Variants in GLOD4 observed in about 807,000 individuals in gnomAD.
GLOD4 encodes glyoxalase domain containing 4.
In GLOD4, 44 loss-of-function variants were observed where a neutral mutation model predicts 39.1. The ratio of observed to expected loss-of-function variants is 1.13; its 90% CI spans 0.88 to 1.45. The LOEUF (loss-of-function observed/expected upper bound fraction) is 1.45, where lower values mean the gene tolerates loss of function less well. GLOD4 is among the 40% of genes most tolerant of loss of function. GLOD4 has a pLI of 0.00. For missense variants in GLOD4, 405 were observed against 366.4 expected, an observed-to-expected ratio of 1.11 and a Z score of -0.86; for synonymous variants, 145 against 135.0, an observed-to-expected ratio of 1.07 and a Z score of -0.52.
rs1351091055 is a variant in GLOD4, at chr17:778,645, C to A, written c.140+50G>T. The A allele has an allele frequency of 2.9e-6, 3 of 1,021,414 alleles. No homozygotes were observed. The Admixed American group carries it at 5.1e-5, about 17-fold the overall frequency. The allele number at this position is 1,021,414 out of a possible 1,614,324, so 63.3% of individuals were successfully genotyped here. On this transcript the variant is annotated intron_variant, in intron 2 of 8. Coordinates refer to ENST00000301329, the MANE Select transcript of GLOD4 (RefSeq NM_016080.4). The stretch of plus-strand genomic sequence containing the variant: ...ACTTTGAGAAACTGTCTTCTGTTAT[C>A]CGGGTGTAGTCAGAGCCTAAAGGAG...
chr17:761,362 T>C lies in GLOD4; in HGVS notation c.832-1124A>G, dbSNP rs566638889. The stretch of plus-strand genomic sequence containing the variant: ...CTAAAAAATCTTAGTACTATCTGAT[T>C]TATTATCTTGATGAAAATAAGAATT... On this transcript the variant is annotated intron_variant, in intron 8 of 8. Coordinates refer to ENST00000301329, the MANE Select transcript of GLOD4 (RefSeq NM_016080.4). Among the ~76,000 whole-genome samples the C allele has an allele frequency of 9.2e-5, 14 of 152,042 alleles. No individual in the cohort carries two copies. In the East Asian group the frequency reaches 2.4e-3, roughly 26 times the overall value.
chr17:767,055 G>A (rs1453428395), intron 8 of GLOD4, among the ~76,000 whole-genome samples: 1 of 152,128 alleles, frequency 6.6e-6, no homozygotes, highest in Non-Finnish European at 1.5e-5. Flanking sequence ...AACGTTAATT[G>A]TGCATCTACT....
chr17:784,842 T>A (rs1379194402), upstream of GLOD4, among the ~76,000 whole-genome samples: 1 of 152,192 alleles, frequency 6.6e-6, no homozygotes, highest in Non-Finnish European at 1.5e-5. Flanking sequence ...TGAATGGCTT[T>A]TGGCCATCTG....
chr17:759,650 G>C lies in GLOD4; in HGVS notation c.*523C>G, dbSNP rs984220698. 5.2e-5 allele frequency: 8 copies of C among 152,570 alleles called. No individual in the cohort carries two copies. Among genetic ancestry groups the C allele is most frequent in the East Asian group, 1.9e-4 (1 of 5,198 alleles). 9.5% of individuals were successfully genotyped at this position (152,570 alleles called of 1,614,324 possible). A position where few individuals can be genotyped will look rare whatever the true frequency, so the allele number is the denominator to read the frequency against. ...TCAAAATGTGAAAGCAAGTAAGAGG[G>C]GGGTGGTTAACCAAACCTTTTGGTC... On this transcript the variant is annotated 3_prime_UTR_variant, in exon 9 of 9. Transcript: ENST00000301329.
intron 8 of GLOD4, among the ~76,000 whole-genome samples, chr17:768,592 A>T (rs1907217683): frequency 1.5e-5 from 2 of 132,534 alleles, no homozygotes; most frequent in African/African-American, 2.8e-5. Flanking sequence ...TTAGAAGAAG[A>T]AGTCTGGAGA....
chr17:763,816 A>T (rs1165621920), intron 8 of GLOD4: 1 of 152,208 alleles, frequency 6.6e-6, no homozygotes, highest in African/African-American at 2.4e-5. Flanking sequence ...TCAGGATATA[A>T]CATCGGTCTG....
At chr17:769,645 C>G (rs1907581086) in intron 8 of GLOD4, among the ~76,000 whole-genome samples, 1 of 152,106 alleles carries the variant, frequency 6.6e-6, no homozygotes, top group African/African-American at 2.4e-5. Flanking sequence ...AGCAGTGGTT[C>G]CAGGGCAGCC....
Position 765,659 on chromosome 17 carries a change from T to C in GLOD4, c.831+4210A>G, listed in dbSNP as rs953811804. Among the ~76,000 whole-genome samples the C allele has an allele frequency of 8.7e-5, 13 of 148,818 alleles. No homozygotes were observed. The South Asian group carries it at 1.6e-3, about 18-fold the overall frequency. On this transcript the variant is annotated intron_variant, in intron 8 of 8. Coordinates refer to ENST00000301329, the MANE Select transcript of GLOD4 (RefSeq NM_016080.4). ...CAGGGTTTCACCGTGTTAGCCAGGA[T>C]GGTCTCGATCTCCTGACCTTGTGAT...
At chr17:783,520 A>G (rs527327348), upstream of GLOD4, 3 of 475,510 alleles carry the variant, frequency 6.3e-6, no homozygotes, top group East Asian at 1.3e-4. Context: ...TATTTTTAGT[A>G]GAGGTGGGGT....
chr17:773,986 C>T (rs2750007), intron 4 of GLOD4, among the ~76,000 whole-genome samples: 11,579 of 152,206 alleles, frequency 0.076, 734 homozygotes, highest in East Asian at 0.34. Flanking sequence ...AGAACAAAAG[C>T]TTCTTAGCAC....
chr17:768,203 A>C (rs886426271), intron 8 of GLOD4, among the ~76,000 whole-genome samples: 1 of 150,284 alleles, frequency 6.7e-6, no homozygotes, highest in African/African-American at 2.5e-5. Flanking sequence ...TTTTAGAAGA[A>C]GAAATCTGGA....
chr17:773,102 T>C (rs1019668747), intron 4 of GLOD4, among the ~76,000 whole-genome samples: 1 of 152,184 alleles, frequency 6.6e-6, no homozygotes, highest in Non-Finnish European at 1.5e-5. Flanking sequence ...AAGTTGGCAG[T>C]GTTAACTGTG....
chr17:772,185 T>A (rs1908074320), intron 4 of GLOD4, among the ~76,000 whole-genome samples: 1 of 52,186 alleles, frequency 1.9e-5, no homozygotes, highest in African/African-American at 9.2e-5. Flanking sequence ...AGACCCTATC[T>A]CGAAAAAAAA....
chr17:777,539 G>A (rs1036743386), intron 2 of GLOD4: 1 of 152,732 alleles, frequency 6.5e-6, no homozygotes, highest in African/African-American at 2.4e-5. Context: ...GTACTAGGGA[G>A]GCTGAGGGAG....
At chr17:778,894 G>C in intron 1 of GLOD4, 150 bp from the exon 2 acceptor site, 1 of 596,384 alleles carries the variant, frequency 1.7e-6, no homozygotes, top group East Asian at 2.8e-5. Context: ...ACTTCTCCCA[G>C]GATAGAAGCA....
chr17:774,417 C>T (rs1008220229), intron 4 of GLOD4, among the ~76,000 whole-genome samples: 1 of 152,260 alleles, frequency 6.6e-6, no homozygotes, highest in African/African-American at 2.4e-5. Context: ...CATTCGCCAG[C>T]ATTTTCCCCG....
At chr17:760,327 T>TA (rs1014028292) in intron 8 of GLOD4, 89 bp from the exon 9 acceptor site, 39 of 680,270 alleles carry the variant, frequency 5.7e-5, no homozygotes, top group Non-Finnish European at 7.8e-5. Context: ...CTGACCACAA[T>TA]AAAAAAAATT....
At chr17:782,560 C>G, upstream of GLOD4, 1 of 1,614,058 alleles carries the variant, frequency 6.2e-7, no homozygotes, top group Non-Finnish European at 8.5e-7. Flanking sequence ...CCCCGCAAGG[C>G]ACCATCTGAG....
chr17:773,845 G>A (rs114212201), intron 4 of GLOD4, among the ~76,000 whole-genome samples: 111 of 152,252 alleles, frequency 7.3e-4, no homozygotes, highest in African/African-American at 2.7e-3. Flanking sequence ...CTGAAGGGAC[G>A]CAGGACAGGA....
Sources: gnomAD v4.1 joint callset for allele counts (sites outside exome capture counted in the v4.1 genomes callset) on GRCh38, gnomAD v4.1.1 for gene constraint, MANE v1.5 for transcripts, NCBI Gene and HGNC (gene_info 2026-07-23, HGNC 2026-07-21) for gene names.